Variants in COL14A1 observed in about 807,000 individuals in gnomAD.
COL14A1 encodes the protein collagen type XIV alpha 1 chain.
In COL14A1, 136 loss-of-function variants were observed where a neutral mutation model predicts 230.3. The ratio of observed to expected loss-of-function variants is 0.59; its 90% CI spans 0.51 to 0.68. The LOEUF is 0.68. COL14A1 is among the 30% of genes least tolerant of loss of function. COL14A1 has a pLI of 0.00. For missense variants in COL14A1, 1,976 were observed against 2,215.8 expected, an observed-to-expected ratio of 0.89 and a Z score of 2.17; for synonymous variants, 792 against 784.1, an observed-to-expected ratio of 1.01 and a Z score of -0.17.
chr8:120,167,459 C>T (rs953757437), intron 4 of COL14A1, among the ~76,000 whole-genome samples: 1 of 152,194 alleles, frequency 6.6e-6, no homozygotes, highest in Non-Finnish European at 1.5e-5. Context: ...CTGCTTCAAA[C>T]AGCCTGAGGT....
chr8:120,350,149 G>A (rs1264112580), intron 45 of COL14A1, among the ~76,000 whole-genome samples: 1 of 152,100 alleles, frequency 6.6e-6, no homozygotes, highest in Admixed American at 6.5e-5. Context: ...CTTCCTAAGT[G>A]AAGGAGAAAG....
intron 1 of COL14A1, among the ~76,000 whole-genome samples, chr8:120,127,474 G>A (rs1814380386): frequency 1.3e-5 from 2 of 152,210 alleles, no homozygotes; most frequent in Admixed American, 1.3e-4. Flanking sequence ...GATGGGAGGA[G>A]GCTCTTGGCA....
In COL14A1 at chr8:120,226,638, G is replaced by T; in HGVS notation, c.1876G>T (p.Ala626Ser). 1 of 1,612,572 alleles carries T rather than the reference G, an allele frequency of 6.2e-7. No homozygotes were observed. Among genetic ancestry groups the T allele is most frequent in the Non-Finnish European group, 8.5e-7 (1 of 1,179,046 alleles). ...TGVFTTEEVP[A>S]QQYLEIDEVT... ...TCCTCGGTTTACAGAGGAAGTTCCA[G>T]CCCAGCAATACTTAGAAATTGATGA... The change falls in exon 16 of 48, where the codon GCC (alanine) becomes TCC (serine). Residue 626 changes from alanine (A) to serine (S), a missense_variant. Physicochemically the swap from Ala to Ser is moderately conservative, Grantham distance 99. Coordinates refer to ENST00000297848, the MANE Select transcript of COL14A1 (RefSeq NM_021110.4).
At chr8:120,270,279 T>A in intron 26 of COL14A1, 105 bp downstream of exon 26, 1 of 1,169,868 alleles carries the variant, frequency 8.5e-7, no homozygotes, top group Non-Finnish European at 1.2e-6. Context: ...CTGTAATGAT[T>A]GGGTTCAACC....
At chr8:120,220,670 C>G (rs1447042881) in intron 14 of COL14A1, among the ~76,000 whole-genome samples, 1 of 152,158 alleles carries the variant, frequency 6.6e-6, no homozygotes, top group East Asian at 1.9e-4. Context: ...CCCTCTGCAT[C>G]TTTTCTGCAT....
intron 45 of COL14A1, among the ~76,000 whole-genome samples, chr8:120,361,303 G>A (rs1823205175): frequency 3.3e-5 from 5 of 152,062 alleles, no homozygotes. Flanking sequence ...AAAGACAATA[G>A]GAAGAGGGAC....
intron 5 of COL14A1, among the ~76,000 whole-genome samples, chr8:120,193,414 C>A (rs999007939): frequency 6.6e-6 from 1 of 152,130 alleles, no homozygotes; most frequent in Non-Finnish European, 1.5e-5. Context: ...GAAGTTTTGT[C>A]TCAGAGGAGT....
rs570122778 is a variant in COL14A1 at position 120,193,975 on chromosome 8, GGGAACT to G, written c.437-2815_437-2810del. On this transcript the variant is annotated intron_variant, in intron 5 of 47. Coordinates refer to ENST00000297848, the MANE Select transcript of COL14A1 (RefSeq NM_021110.4). Reference sequence around the variant, plus strand: ...GTCACCCCTTTCTTTGACTAGGAAAGGGAACTCCCTGACCCCTTGCGCTTCCCGGGT... The same window carrying G: ...GTCACCCCTTTCTTTGACTAGGAAAGCCCTGACCCCTTGCGCTTCCCGGGT... Among the ~76,000 whole-genome samples, 387 of 152,312 alleles carry G rather than the reference GGGAACT, an allele frequency of 2.5e-3. 2 individuals carry two copies. The highest frequency in any genetic ancestry group is 8.9e-3 in the African/African-American group (370 of 41,570).
intron 5 of COL14A1, among the ~76,000 whole-genome samples, chr8:120,186,064 C>T (rs567017195): frequency 5.9e-5 from 9 of 152,332 alleles, no homozygotes; most frequent in African/African-American, 1.7e-4. Context: ...TGAGCCACCA[C>T]GCCCTGCTCT....
intron 42 of COL14A1, among the ~76,000 whole-genome samples, chr8:120,341,007 G>A (rs1822275583): frequency 6.6e-6 from 1 of 152,012 alleles, no homozygotes; most frequent in African/African-American, 2.4e-5. Context: ...GTGGCGTTTA[G>A]GGTGGAAAGA....
chr8:120,306,819 T>C (rs1056590463), intron 36 of COL14A1, among the ~76,000 whole-genome samples: 1 of 152,188 alleles, frequency 6.6e-6, no homozygotes, highest in Non-Finnish European at 1.5e-5. Context: ...ATTATTTGAA[T>C]AAAATCTTCA....
rs1239030735 is a variant in COL14A1 at position 120,356,665 on chromosome 8, T to A, written c.5078-10506T>A. 3.3e-5 allele frequency among the ~76,000 whole-genome samples: 5 copies of A among 151,894 alleles called. No homozygotes were observed. In the East Asian group the frequency reaches 9.7e-4, roughly 29 times the overall value. On this transcript the variant is annotated intron_variant, in intron 45 of 47. Transcript: ENST00000297848. The stretch of plus-strand genomic sequence containing the variant: ...CTATGAAAAAGTACAGGATAACATA[T>A]CCTGTACTCCAGCCAGGAGTACAGA...
intron 22 of COL14A1, among the ~76,000 whole-genome samples, chr8:120,252,413 A>G (rs1819001673): frequency 6.6e-6 from 1 of 152,240 alleles, no homozygotes; most frequent in African/African-American, 2.4e-5. Context: ...TTTAAAATAC[A>G]CATTAAAGAC....
intron 5 of COL14A1, among the ~76,000 whole-genome samples, chr8:120,177,570 AC>A (rs1816320151): frequency 6.7e-6 from 1 of 148,890 alleles, no homozygotes; most frequent in Admixed American, 6.8e-5. Context: ...AATTGCTTGA[AC>A]CTGGGAGGTG....
intron 14 of COL14A1, among the ~76,000 whole-genome samples, chr8:120,222,722 GT>G (rs140491124): frequency 0.01 from 1,557 of 152,060 alleles, 31 homozygotes; most frequent in African/African-American, 0.036. Context: ...TTAAGAAACA[GT>G]TTTTTTGGTG....
intron 20 of COL14A1, among the ~76,000 whole-genome samples, chr8:120,246,163 C>T (rs770358209): frequency 6.6e-6 from 1 of 152,168 alleles, no homozygotes; most frequent in Non-Finnish European, 1.5e-5. Flanking sequence ...CCTGATTCTG[C>T]TCAGCTGGGC....
At chr8:120,290,849 C>T (rs576746528) in intron 34 of COL14A1, among the ~76,000 whole-genome samples, 1 of 152,178 alleles carries the variant, frequency 6.6e-6, no homozygotes, top group East Asian at 1.9e-4. Flanking sequence ...CAATGTGTCC[C>T]CTTATGTATA....
At chr8:120,332,039 C>T (rs1821886616) in intron 40 of COL14A1, 102 bp from the exon 41 acceptor site, 1 of 956,900 alleles carries the variant, frequency 1.0e-6, no homozygotes. Flanking sequence ...CCAGAGCAAG[C>T]AGCAGGACTT....
chr8:120,201,129 A>G (rs1298910868), intron 8 of COL14A1, among the ~76,000 whole-genome samples: 3 of 152,118 alleles, frequency 2.0e-5, no homozygotes, highest in African/African-American at 7.2e-5. Context: ...TTATTATTCA[A>G]GTAAGTGATG....
Sources: gnomAD v4.1 joint callset for allele counts (sites outside exome capture counted in the v4.1 genomes callset) on GRCh38, gnomAD v4.1.1 for gene constraint, MANE v1.5 for transcripts, NCBI Gene and HGNC (gene_info 2026-07-23, HGNC 2026-07-21) for gene names.